Variants in TMOD1 observed in about 807,000 individuals in gnomAD.
The protein encoded by TMOD1 is tropomodulin-1.
A neutral mutation model predicts 40.6 loss-of-function variants in TMOD1; 17 were observed. The observed-to-expected ratio is 0.42, with a 90% CI of 0.29 to 0.63. The LOEUF (loss-of-function observed/expected upper bound fraction) is 0.63, where lower values mean the gene tolerates loss of function less well. TMOD1 is among the 20% of genes least tolerant of loss of function. The probability of loss-of-function intolerance (pLI) is 0.22; values close to 1 mark genes in which losing one functional copy is unlikely to be tolerated. For missense variants in TMOD1, 391 were observed against 447.6 expected, an observed-to-expected ratio of 0.87 and a Z score of 1.14; for synonymous variants, 181 against 175.0, an observed-to-expected ratio of 1.03 and a Z score of -0.27.
At chr9:97,520,497 C>T (rs1829897833) in intron 1 of TMOD1, among the ~76,000 whole-genome samples, 1 of 152,196 alleles carries the variant, frequency 6.6e-6, no homozygotes, top group Admixed American at 6.5e-5. Flanking sequence ...CAGGAGAATA[C>T]TGCTTCGTAG....
chr9:97,535,761 T>A (rs762099008), intron 2 of TMOD1, among the ~76,000 whole-genome samples: 6 of 152,196 alleles, frequency 3.9e-5, no homozygotes, highest in Non-Finnish European at 8.8e-5. Flanking sequence ...CAAGCAATTA[T>A]TGGGTTTCAG....
At chr9:97,542,921 A>C (rs535034532) in intron 2 of TMOD1, among the ~76,000 whole-genome samples, 1 of 152,228 alleles carries the variant, frequency 6.6e-6, no homozygotes, top group Admixed American at 6.5e-5. Flanking sequence ...GGTTGTCACA[A>C]CTGGGGGCAG....
intron 1 of TMOD1, chr9:97,516,444 G>GC (rs1343382844): frequency 6.5e-6 from 1 of 152,814 alleles, no homozygotes; most frequent in African/African-American, 2.4e-5. Context: ...TTAAAGACAT[G>GC]CTCTCTATCC....
chr9:97,547,367 G>A (rs564524398), intron 3 of TMOD1, among the ~76,000 whole-genome samples: 7 of 152,244 alleles, frequency 4.6e-5, no homozygotes, highest in African/African-American at 1.7e-4. Context: ...GGCTCCTCCT[G>A]CCCGGTAAGA....
chr9:97,503,740 C>T (rs1190480770), intron 1 of TMOD1, among the ~76,000 whole-genome samples: 6 of 152,204 alleles, frequency 3.9e-5, no homozygotes, highest in Non-Finnish European at 4.4e-5. Context: ...GTAGGTGTGG[C>T]AGCTCTGAGC....
chr9:97,536,382 A>G (rs1221681206), intron 2 of TMOD1, among the ~76,000 whole-genome samples: 1 of 152,042 alleles, frequency 6.6e-6, no homozygotes, highest in Non-Finnish European at 1.5e-5. Context: ...CACTTAGGTT[A>G]AATTGTTTGA....
chr9:97,601,295 A>G lies in TMOD1; in HGVS notation c.*1597A>G, dbSNP rs1341999680. The G allele has an allele frequency of 8.4e-7, 1 of 1,186,184 alleles. No individual in the cohort carries two copies. Among genetic ancestry groups the G allele is most frequent in the Non-Finnish European group, 1.1e-6 (1 of 933,366 alleles). The allele number at this position is 1,186,184 out of a possible 1,614,324, so 73.5% of individuals were successfully genotyped here. Reference sequence around the variant, plus strand: ...TTCTTGGAACCTGTGTGACAGGGACATGTGCCTGGCACACTGGCCAGAAGA... The same window carrying G: ...TTCTTGGAACCTGTGTGACAGGGACGTGTGCCTGGCACACTGGCCAGAAGA... On this transcript the variant is annotated 3_prime_UTR_variant, in exon 10 of 10. Coordinates refer to ENST00000259365, the MANE Select transcript of TMOD1 (RefSeq NM_003275.4).
chr9:97,509,238 G>A (rs1033036480), intron 1 of TMOD1, among the ~76,000 whole-genome samples: 1 of 152,170 alleles, frequency 6.6e-6, no homozygotes, highest in Admixed American at 6.5e-5. Flanking sequence ...TTCTTCATCT[G>A]TAAAATGGGG....
chr9:97,525,087 G>GAC (rs60044759), intron 2 of TMOD1, among the ~76,000 whole-genome samples: 8,211 of 152,140 alleles, frequency 0.054, 724 homozygotes, highest in African/African-American at 0.19. Context: ...TCCAAATAAA[G>GAC]ACAGTAACGA....
At chr9:97,523,483 T>C (rs907378612) in intron 1 of TMOD1, among the ~76,000 whole-genome samples, 27 of 152,238 alleles carry the variant, frequency 1.8e-4, no homozygotes, top group African/African-American at 6.5e-4. Context: ...TAAATGTGGA[T>C]CTGCTGCTTC....
At chr9:97,546,399 C>T in intron 3 of TMOD1, 58 bp downstream of exon 3, 4 of 1,559,428 alleles carry the variant, frequency 2.6e-6, no homozygotes, top group East Asian at 2.3e-5. Context: ...TGAGTGCCGA[C>T]TGTATGCCAG....
At chr9:97,570,736 C>G (rs146297961) in intron 8 of TMOD1, among the ~76,000 whole-genome samples, 1,765 of 152,250 alleles carry the variant, frequency 0.012, 35 homozygotes, top group African/African-American at 0.041. Context: ...TCAGGAGTGC[C>G]TGGTAAGTAA....
intron 2 of TMOD1, among the ~76,000 whole-genome samples, chr9:97,544,426 C>T (rs1830326973): frequency 6.6e-6 from 1 of 151,814 alleles, no homozygotes; most frequent in Non-Finnish European, 1.5e-5. Context: ...GTCCCAGCTA[C>T]TCGGGAGGCT....
chr9:97,509,185 GTC>G (rs1218890347), intron 1 of TMOD1, among the ~76,000 whole-genome samples: 1 of 152,168 alleles, frequency 6.6e-6, no homozygotes, highest in Non-Finnish European at 1.5e-5. Flanking sequence ...CCAGTTTGTG[GTC>G]ATTTATTATG....
chr9:97,565,476 G>A (rs1044527093), intron 6 of TMOD1, among the ~76,000 whole-genome samples: 9 of 152,036 alleles, frequency 5.9e-5, no homozygotes, highest in African/African-American at 1.9e-4. Flanking sequence ...CTTCCACAGA[G>A]ACACCTAGCA....
chr9:97,559,019 G>A (rs1830575685), intron 4 of TMOD1, among the ~76,000 whole-genome samples: 1 of 152,160 alleles, frequency 6.6e-6, no homozygotes, highest in South Asian at 2.1e-4. Context: ...ACCATCACAG[G>A]AAGCTGGCAT....
chr9:97,584,060 C>G (rs1465858680), intron 8 of TMOD1, among the ~76,000 whole-genome samples: 4 of 149,840 alleles, frequency 2.7e-5, no homozygotes, highest in Non-Finnish European at 6.0e-5. Flanking sequence ...AATGTGTTTG[C>G]TCTTGCTTTT....
chr9:97,534,470 C>G (rs1230026076), intron 2 of TMOD1, among the ~76,000 whole-genome samples: 3 of 152,224 alleles, frequency 2.0e-5, no homozygotes, highest in Non-Finnish European at 4.4e-5. Context: ...AGACACTCCC[C>G]AACTCTGACA....
intron 8 of TMOD1, among the ~76,000 whole-genome samples, chr9:97,580,990 CTTTT>C (rs1825738894): frequency 3.7e-5 from 1 of 27,264 alleles, no homozygotes. Context: ...TATTTTATTT[CTTTT>C]TTCTTTTTTT....
Sources: allele counts gnomAD v4.1 joint callset (sites outside exome capture counted in the v4.1 genomes callset), GRCh38; gene constraint gnomAD v4.1.1; transcripts MANE v1.5; gene names NCBI Gene and HGNC (gene_info 2026-07-23, HGNC 2026-07-21).